P2RX5: variants seen among roughly 807,000 people sequenced by gnomAD.
P2RX5 encodes the protein purinergic receptor P2X 5, also known as P2X purinoceptor 5.
In P2RX5, 46 loss-of-function variants were observed where a neutral mutation model predicts 54.1. That is an observed-to-expected ratio of 0.85 (90% CI 0.67 to 1.09). P2RX5 has a LOEUF of 1.09. P2RX5 is among the 50% of genes least tolerant of loss of function. The pLI is 0.00. For missense variants in P2RX5, 566 were observed against 549.8 expected, an observed-to-expected ratio of 1.03 and a Z score of -0.29; for synonymous variants, 226 against 226.4, an observed-to-expected ratio of 1.00 and a Z score of 0.02.
At chr17:3,719,235 CAAA>C in the P2RX5 span, among the ~76,000 whole-genome samples, 7 of 66,246 alleles carry the variant, frequency 1.1e-4, no homozygotes, top group Admixed American at 1.7e-4. Flanking sequence ...GATTCTTCCT[CAAA>C]AAAAAAAAAA....
chr17:3,709,716 C>T, the P2RX5 span, among the ~76,000 whole-genome samples: 1 of 151,952 alleles, frequency 6.6e-6, no homozygotes, highest in Non-Finnish European at 1.5e-5. Flanking sequence ...AGTTCGAGAC[C>T]AGCCTAACAT....
At chr17:3,699,874 A>AAAGAAAGGAAGGAAGG (rs1567744280), upstream of P2RX5, among the ~76,000 whole-genome samples, 20 of 42,762 alleles carry the variant, frequency 4.7e-4, no homozygotes, top group East Asian at 2.1e-3. Flanking sequence ...AGAAAGAAAG[A>AAAGAAAGGAAGGAAGG]AAGGAAGGAA....
chr17:3,688,905 G>C, intron 7 of P2RX5, 146 bp from the exon 8 acceptor site: 2 of 851,514 alleles, frequency 2.3e-6, no homozygotes, highest in East Asian at 5.1e-5. Flanking sequence ...AGGAGGCTTA[G>C]TCCCCCCATG....
At chr17:3,712,111 CCTG>C in the P2RX5 span, among the ~76,000 whole-genome samples, 1 of 152,174 alleles carries the variant, frequency 6.6e-6, no homozygotes, top group Non-Finnish European at 1.5e-5. Context: ...GGACACAACT[CCTG>C]AGCACAACAG....
chr17:3,701,284 G>C, the P2RX5 span, among the ~76,000 whole-genome samples: 1 of 152,066 alleles, frequency 6.6e-6, no homozygotes, highest in East Asian at 1.9e-4. Flanking sequence ...GTGTATTTAC[G>C]TGTGGCCCAA....
Position 3,688,028 on chromosome 17 carries a change from AC to A in P2RX5, c.964del (p.Val322Ter). 2 of 1,578,414 alleles carry A rather than the reference AC, an allele frequency of 1.3e-6. No homozygotes were observed. The highest frequency in any genetic ancestry group is 4.6e-5 in the East Asian group (2 of 43,182). On this transcript the variant is annotated frameshift_variant, in exon 9 of 12. Coordinates refer to ENST00000225328, the MANE Select transcript of P2RX5 (RefSeq NM_002561.4). LOFTEE classifies it high-confidence loss of function. ...LMKAYGIRFD[V>X]MVNGKGAFFC... ...CACACGCACCTTGCCGTTCACCATCACGTCAAAGCGGATCCCGTAGGCTTTC... is the reference window on the plus strand; with the variant it reads ...CACACGCACCTTGCCGTTCACCATCAGTCAAAGCGGATCCCGTAGGCTTTC...
At position 3,688,712 on chromosome 17, in the gene P2RX5, T is replaced by A. The variant is rs773687464; in HGVS notation, c.801A>T (p.Lys267Asn). 6.2e-7 allele frequency: 1 copy of A among 1,613,808 alleles called. No homozygotes were observed. The highest frequency in any genetic ancestry group is 1.1e-5 in the South Asian group (1 of 91,086). The change falls in exon 8 of 12, where the codon AAA becomes AAT. Residue 267 changes from lysine (K) to asparagine (N), a missense_variant. Transcript: ENST00000225328. ...INIEWNCDLD[K>N]AASECHPHYS... ...AGTGAGGGTGGCACTCAGAGGCAGC[T>A]TTATCAAGATCACAGTTCCATTCAA...
chr17:3,690,553 G>A (rs763028346), intron 4 of P2RX5, 30 bp from the exon 5 acceptor site: 17 of 1,612,174 alleles, frequency 1.1e-5, no homozygotes, highest in African/African-American at 2.7e-5. Context: ...TCAATGCCAG[G>A]AGCCTCCCAC....
At chr17:3,717,011 T>C in the P2RX5 span, 1 of 479,084 alleles carries the variant, frequency 2.1e-6, no homozygotes, top group Non-Finnish European at 3.8e-6. Context: ...CGTAAGAAAC[T>C]ATTCTGGCCC....
the P2RX5 span, among the ~76,000 whole-genome samples, chr17:3,708,500 G>T: frequency 6.7e-6 from 1 of 150,006 alleles, no homozygotes; most frequent in Non-Finnish European, 1.5e-5. Context: ...ACATGGCCTT[G>T]CCAACAGTCA....
intron 9 of P2RX5, among the ~76,000 whole-genome samples, chr17:3,684,192 C>T (rs1240736852): frequency 6.6e-6 from 1 of 152,272 alleles, no homozygotes; most frequent in African/African-American, 2.4e-5. Flanking sequence ...GGGCTGCCTT[C>T]CCTGCCTCTC....
the P2RX5 span, chr17:3,720,554 A>C: frequency 2.0e-6 from 1 of 503,548 alleles, no homozygotes; most frequent in South Asian, 2.8e-5. Flanking sequence ...AGTTACCCAA[A>C]CAAGACATCT....
At chr17:3,703,855 C>T in the P2RX5 span, among the ~76,000 whole-genome samples, 1 of 152,160 alleles carries the variant, frequency 6.6e-6, no homozygotes, top group Admixed American at 6.5e-5. Flanking sequence ...AATCCCAGCA[C>T]TTTGGGAGGC....
chr17:3,708,890 CT>C, the P2RX5 span, among the ~76,000 whole-genome samples: 4 of 150,874 alleles, frequency 2.7e-5, no homozygotes, highest in Non-Finnish European at 5.9e-5. Flanking sequence ...AAAAAAAAAC[CT>C]TTGTACTTAG....
At chr17:3,675,138 C>T (rs2142994142) in intron 11 of P2RX5, among the ~76,000 whole-genome samples, 1 of 152,282 alleles carries the variant, frequency 6.6e-6, no homozygotes, top group Non-Finnish European at 1.5e-5. Context: ...CTCCCGGGTT[C>T]AAGCAATTCT....
intron 11 of P2RX5, chr17:3,677,219 G>T: frequency 1.0e-6 from 1 of 985,392 alleles, no homozygotes; most frequent in Non-Finnish European, 1.2e-6. Context: ...CTGCTGAGTG[G>T]CGCCATCCTT....
At chr17:3,675,473 TAA>T (rs891217967) in intron 11 of P2RX5, 3 of 985,180 alleles carry the variant, frequency 3.0e-6, no homozygotes, top group African/African-American at 1.7e-5. Context: ...CTCCCAAACC[TAA>T]AAGTCACCAA....
chr17:3,723,293 CAG>C, the P2RX5 span: 2 of 1,607,988 alleles, frequency 1.2e-6, no homozygotes, highest in Non-Finnish European at 1.7e-6. Flanking sequence ...AACACCTCCT[CAG>C]AGTGATCCCA....
chr17:3,711,913 C>G, the P2RX5 span, among the ~76,000 whole-genome samples: 3 of 148,080 alleles, frequency 2.0e-5, no homozygotes, highest in African/African-American at 7.6e-5. Flanking sequence ...TTAAAAGTGT[C>G]TTCCTCCTCA....
Sources: allele counts gnomAD v4.1 joint callset (sites outside exome capture counted in the v4.1 genomes callset), GRCh38; gene constraint gnomAD v4.1.1; transcripts MANE v1.5; gene names NCBI Gene and HGNC (gene_info 2026-07-23, HGNC 2026-07-21).